Variants in CDCA8 observed in about 807,000 individuals in gnomAD.
The protein encoded by CDCA8 is cell division cycle associated 8.
CDCA8 carries 25 observed loss-of-function variants against 40.0 expected under a neutral mutation model. The observed-to-expected ratio is 0.63, with a 90% CI of 0.46 to 0.87. The LOEUF (loss-of-function observed/expected upper bound fraction) is 0.87, where lower values mean the gene tolerates loss of function less well. Among genes scored for constraint, CDCA8 ranks in the 40% least tolerant of loss-of-function variants. The pLI, the probability that CDCA8 is intolerant of heterozygous loss-of-function variation, is 0.00. For synonymous variants in CDCA8, 111 were observed against 126.5 expected (o/e 0.88, Z 0.82); for missense variants, 280 against 348.4 (o/e 0.80, Z 1.56).
chr1:37,701,810 A>G lies in CDCA8; in HGVS notation c.480A>G (p.Lys160=). 2 of 1,612,240 alleles carry G rather than the reference A, an allele frequency of 1.2e-6. No individual in the cohort carries two copies. The highest frequency in any genetic ancestry group is 1.3e-5 in the African/African-American group (1 of 74,966). Residue 160 remains lysine (K), a synonymous_variant, in exon 6 of 10, where the codon AAA becomes AAG. Transcript: ENST00000373055. ...KRTQSIQGKG[K]GKRSSRANTV... Reference sequence around the variant, plus strand: ...CTCAGTCCATACAAGGAAAAGGAAAAGGGAAAAGGTAGTGGATTTTCTAAA... The same window carrying G: ...CTCAGTCCATACAAGGAAAAGGAAAGGGGAAAAGGTAGTGGATTTTCTAAA...
At position 37,699,567 on chromosome 1, in the gene CDCA8, GA is replaced by G. The variant is rs1237990893; in HGVS notation, c.337+600del. On this transcript the variant is annotated intron_variant, in intron 4 of 9. Coordinates refer to ENST00000373055, the MANE Select transcript of CDCA8 (RefSeq NM_001256875.2). ...GGCAATGTAGTGAGACCTTGTCTCT[GA>G]AAAAAAAAAGAAAGAAAGAAAGGAA... Among the ~76,000 whole-genome samples, 17 of 139,750 alleles carry G rather than the reference GA, an allele frequency of 1.2e-4. No individual in the cohort carries two copies. The East Asian group carries it at 2.1e-3, about 17-fold the overall frequency. 91.7% of individuals were successfully genotyped at this position (139,750 alleles called of 152,430 possible).
intron 7 of CDCA8, 125 bp from the exon 8 acceptor site, chr1:37,705,316 C>A: frequency 2.6e-6 from 2 of 758,488 alleles, no homozygotes; most frequent in Non-Finnish European, 4.3e-6. Flanking sequence ...AAATTTAGAA[C>A]GTGCTTTCTT....
At position 37,708,559 on chromosome 1, in the gene CDCA8, G is replaced by A; in HGVS notation, c.*193G>A. On this transcript the variant is annotated 3_prime_UTR_variant, in exon 10 of 10. Coordinates refer to ENST00000373055, the MANE Select transcript of CDCA8 (RefSeq NM_001256875.2). ...GCTGTCTGTTCACCCTCCCATCCCA[G>A]CTGATCCCAGTCACTGCTTGCTGGG... is the stretch of plus-strand genomic sequence containing the variant. 1.7e-6 allele frequency: 1 copy of A among 599,458 alleles called. No individual in the cohort carries two copies. Among genetic ancestry groups the A allele is most frequent in the South Asian group, 1.9e-5 (1 of 51,716 alleles). The allele number at this position is 599,458 out of a possible 1,614,324, so 37.1% of individuals were successfully genotyped here.
intron 2 of CDCA8, among the ~76,000 whole-genome samples, chr1:37,693,260 C>CAACTCAG (rs1414986446): frequency 2.6e-5 from 4 of 152,078 alleles, no homozygotes; most frequent in Admixed American, 1.3e-4. Flanking sequence ...CTCTGTCGGA[C>CAACTCAG]AACTCAGCTC....
At chr1:37,707,462 T>C (rs1379402624) in intron 9 of CDCA8, among the ~76,000 whole-genome samples, 1 of 151,974 alleles carries the variant, frequency 6.6e-6, no homozygotes, top group African/African-American at 2.4e-5. Flanking sequence ...GCCTCTGGAG[T>C]GGTGGGGCCC....
chr1:37,702,313 G>C (rs1223205915), intron 6 of CDCA8, among the ~76,000 whole-genome samples: 1 of 150,566 alleles, frequency 6.6e-6, no homozygotes, highest in Non-Finnish European at 1.5e-5. Context: ...TTTTTTTTAA[G>C]TATAGCAAGA....
At position 37,707,134 on chromosome 1, in the gene CDCA8, T is replaced by C. The variant is rs578232792; in HGVS notation, c.798+70T>C. ...TTTCTTGGGCTACCTTTATTTAGGA[T>C]TGTCTTTTGGGCCTGGGCTAATACT... On this transcript the variant is annotated intron_variant, in intron 9 of 9. Coordinates refer to ENST00000373055, the MANE Select transcript of CDCA8 (RefSeq NM_001256875.2). 6.7e-6 allele frequency: 8 copies of C among 1,185,222 alleles called. No homozygotes were observed. In the Admixed American group the frequency reaches 1.2e-4, roughly 18 times the overall value. 73.4% of individuals were successfully genotyped at this position (1,185,222 alleles called of 1,614,324 possible).
At chr1:37,706,897 T>G in intron 8 of CDCA8, 81 bp from the exon 9 acceptor site, 1 of 1,030,034 alleles carries the variant, frequency 9.7e-7, no homozygotes, top group Non-Finnish European at 1.5e-6. Flanking sequence ...TCCCCACCAC[T>G]AAGTGCAGGA....
intron 9 of CDCA8, 76 bp from the exon 10 acceptor site, chr1:37,708,246 G>A (rs1170872686): frequency 1.5e-6 from 2 of 1,303,810 alleles, no homozygotes; most frequent in Non-Finnish European, 2.2e-6. Flanking sequence ...GAGGGGCTCA[G>A]GCTGACTGTG....
At chr1:37,702,382 C>T (rs1210277850) in intron 6 of CDCA8, among the ~76,000 whole-genome samples, 1 of 152,014 alleles carries the variant, frequency 6.6e-6, no homozygotes, top group South Asian at 2.1e-4. Context: ...CATAGCTCGT[C>T]ATAGAGTGGC....
chr1:37,693,074 C>T (rs1462779587), intron 2 of CDCA8, 41 bp downstream of exon 2: 30 of 1,604,092 alleles, frequency 1.9e-5, no homozygotes, highest in Non-Finnish European at 2.2e-5. Context: ...GCCAGGAGCC[C>T]CTTGGGGTTA....
At position 37,692,679 on chromosome 1, in the gene CDCA8, C is replaced by T; in HGVS notation, c.-12C>T. Reference sequence around the variant, plus strand: ...CCATCTCCGCCGCTCCCCGCAGCCTCCGCCGAGCGCCATGGCTCCTAGGAA... The same window carrying T: ...CCATCTCCGCCGCTCCCCGCAGCCTTCGCCGAGCGCCATGGCTCCTAGGAA... On this transcript the variant is annotated 5_prime_UTR_variant, in exon 1 of 10. Transcript: ENST00000373055. 6.2e-7 allele frequency: 1 copy of T among 1,610,528 alleles called. No homozygotes were observed.
rs1200283013 is a variant in CDCA8, at chr1:37,705,456, T to C, written c.600T>C (p.Pro200=). 4.3e-6 allele frequency: 7 copies of C among 1,613,968 alleles called. No individual in the cohort carries two copies. Among genetic ancestry groups the C allele is most frequent in the Non-Finnish European group, 3.4e-6 (4 of 1,179,980 alleles). Reference sequence around the variant, plus strand: ...CCCATTCTAGGGTCTTCAAGACCCCTGGCCTGCGTACTCCAGCAGCAGGAG... The same window carrying C: ...CCCATTCTAGGGTCTTCAAGACCCCCGGCCTGCGTACTCCAGCAGCAGGAG... The part of the protein sequence containing the change: ...PRFDSRVFKT[P]GLRTPAAGER... Residue 200 remains proline, a synonymous_variant, in exon 8 of 10, where the codon CCT becomes CCC. Coordinates refer to ENST00000373055, the MANE Select transcript of CDCA8 (RefSeq NM_001256875.2).
chr1:37,699,623 A>T (rs1331882257), intron 4 of CDCA8, among the ~76,000 whole-genome samples: 1 of 146,512 alleles, frequency 6.8e-6, no homozygotes, highest in East Asian at 2.1e-4. Context: ...AAGGAAAGGA[A>T]AAAAAAAGTT....
chr1:37,699,042 G>GC, intron 4 of CDCA8, 65 bp downstream of exon 4: 3 of 1,069,038 alleles, frequency 2.8e-6, no homozygotes, highest in Non-Finnish European at 4.4e-6. Context: ...TTGGTTGGCT[G>GC]CTCAGGCAGC....
intron 6 of CDCA8, 90 bp from the exon 7 acceptor site, chr1:37,703,162 T>C: frequency 2.0e-6 from 2 of 1,001,194 alleles, no homozygotes; most frequent in Non-Finnish European, 3.2e-6. Context: ...GAGCAGTATC[T>C]CACAGTCAGC....
At chr1:37,706,628 C>T (rs1645603726) in intron 8 of CDCA8, among the ~76,000 whole-genome samples, 1 of 152,212 alleles carries the variant, frequency 6.6e-6, no homozygotes, top group African/African-American at 2.4e-5. Flanking sequence ...GTGCCTTCAG[C>T]TTTGTATAAC....
intron 8 of CDCA8, among the ~76,000 whole-genome samples, chr1:37,705,817 T>G (rs1489502470): frequency 2.7e-5 from 4 of 147,090 alleles, no homozygotes; most frequent in African/African-American, 1.0e-4. Flanking sequence ...TGGGTTTTTT[T>G]TTTTTTTTTT....
At chr1:37,695,863 T>C in intron 2 of CDCA8, 47 bp from the exon 3 acceptor site, 8 of 1,559,616 alleles carry the variant, frequency 5.1e-6, no homozygotes, top group Non-Finnish European at 7.1e-6. Context: ...TTAGGCAAGA[T>C]GATTTATTGT....
Sources: allele counts gnomAD v4.1 joint callset (sites outside exome capture counted in the v4.1 genomes callset), GRCh38; gene constraint gnomAD v4.1.1; transcripts MANE v1.5; gene names NCBI Gene and HGNC (gene_info 2026-07-23, HGNC 2026-07-21).